The following GSTM3 variants were observed in gnomAD, a reference collection of about 807,000 sequenced individuals.
GSTM3 encodes GST class-mu 3.
GSTM3 carries 34 observed loss-of-function variants against 36.1 expected under a neutral mutation model. The observed-to-expected ratio is 0.94, with a 90% confidence interval of 0.72 to 1.25. The LOEUF (loss-of-function observed/expected upper bound fraction) is 1.25. GSTM3 is among the 50% of genes most tolerant of loss of function. The pLI is 0.00. For missense variants in GSTM3, 266 were observed against 281.6 expected (o/e 0.94, Z 0.40); for synonymous variants, 102 against 99.5 (o/e 1.03, Z -0.15).
intron 3 of GSTM3, 107 bp downstream of exon 3, chr1:109,739,726 C>T: frequency 1.2e-6 from 1 of 857,242 alleles, no homozygotes; most frequent in Non-Finnish European, 1.9e-6. Flanking sequence ...CAGATTGGGG[C>T]AAACGTCCCA....
At position 109,737,032 on chromosome 1, in the gene GSTM3, A is replaced by G. The variant is rs750994050; in HGVS notation, c.*39T>C. Reference sequence around the variant, plus strand: ...GCAAGAGCGCTGACCCCTTACGGACAGGATGAAACAAAACAAGCTCTGCAA... The same window carrying G: ...GCAAGAGCGCTGACCCCTTACGGACGGGATGAAACAAAACAAGCTCTGCAA... On this transcript the variant is annotated 3_prime_UTR_variant, in exon 9 of 9. Transcript: ENST00000361066. 7.9e-7 allele frequency: 1 copy of G among 1,264,646 alleles called. No individual in the cohort carries two copies. The highest frequency in any genetic ancestry group is 2.3e-5 in the East Asian group (1 of 43,148). 78.3% of individuals were successfully genotyped at this position (1,264,646 alleles called of 1,614,324 possible).
chr1:109,740,567 G>A (rs572722800), intron 1 of GSTM3, 56 bp from the exon 2 acceptor site: 1 of 502,340 alleles, frequency 2.0e-6, no homozygotes, highest in African/African-American at 2.0e-5. Flanking sequence ...GCGGGTGGGA[G>A]CCAGACTTCA....
At chr1:109,739,976 C>G (rs1347176423) in intron 2 of GSTM3, 68 bp from the exon 3 acceptor site, 1 of 1,295,456 alleles carries the variant, frequency 7.7e-7, no homozygotes, top group South Asian at 1.3e-5. Flanking sequence ...CGCTAACGTT[C>G]CCCGGCCCGG....
At position 109,740,335 on chromosome 1, in the gene GSTM3, A is replaced by AG. The variant is rs770404043; in HGVS notation, c.-49dup. On this transcript the variant is annotated 5_prime_UTR_variant, in exon 2 of 9. Transcript: ENST00000361066. Reference sequence around the variant, plus strand: ...GAGGACTAGGGAAACTGTGAGCGGGAGGGGCTTTATACCCGACATAAGGGG... The same window carrying AG: ...GAGGACTAGGGAAACTGTGAGCGGGAGGGGGCTTTATACCCGACATAAGGGG... The AG allele has an allele frequency of 5.7e-6, 9 of 1,575,288 alleles. No homozygotes were observed. The East Asian group carries it at 1.6e-4, about 28-fold the overall frequency.
rs747271780 is a variant in GSTM3, at chr1:109,735,633, G to GAGTTTTTTTTTTT, written c.*1437_*1438insAAAAAAAAAAACT. The GAGTTTTTTTTTTT allele has an allele frequency of 2.3e-4, 14 of 60,722 alleles. 4 individuals are homozygous for GAGTTTTTTTTTTT. Among genetic ancestry groups the GAGTTTTTTTTTTT allele is most frequent in the African/African-American group, 2.9e-4 (6 of 20,388 alleles). 3.8% of individuals were successfully genotyped at this position (60,722 alleles called of 1,614,324 possible). ...CATCTTAGTATATGTCTCTTTGAAT[G>GAGTTTTTTTTTTT]TTTTTTTTTTTTTTTTTTTTTTTTT... On this transcript the variant is annotated 3_prime_UTR_variant, in exon 9 of 9. Coordinates refer to ENST00000361066, the MANE Select transcript of GSTM3 (RefSeq NM_000849.5).
chr1:109,737,883 T>G (rs1570663310), intron 6 of GSTM3, 132 bp from the exon 7 acceptor site: 1 of 705,550 alleles, frequency 1.4e-6, no homozygotes, highest in Non-Finnish European at 2.5e-6. Flanking sequence ...GATGGCAGGG[T>G]GGGGAAAGAG....
At chr1:109,739,811 C>G (rs976779942) in intron 3 of GSTM3, 22 bp downstream of exon 3, 30 of 1,529,268 alleles carry the variant, frequency 2.0e-5, no homozygotes, top group Non-Finnish European at 2.5e-5. Flanking sequence ...CTTGGCTGCA[C>G]GGGCACGCGG....
intron 8 of GSTM3, 142 bp downstream of exon 8, chr1:109,737,315 T>C (rs1424625924): frequency 9.9e-6 from 8 of 808,162 alleles, no homozygotes; most frequent in Non-Finnish European, 1.7e-5. Context: ...GTTAGGCTCT[T>C]CCCAAGACTT....
At chr1:109,740,615 C>CT (rs1649356059) in intron 1 of GSTM3, 104 bp from the exon 2 acceptor site, 4 of 373,572 alleles carry the variant, frequency 1.1e-5, no homozygotes, top group Non-Finnish European at 2.0e-5. Flanking sequence ...AAAAGCACCA[C>CT]TAGCCAGGCA....
chr1:109,737,327 A>C, intron 8 of GSTM3, 130 bp downstream of exon 8: 2 of 818,460 alleles, frequency 2.4e-6, no homozygotes, highest in Non-Finnish European at 2.1e-6. Context: ...CCAAGACTTA[A>C]AGGTCTAGAG....
Position 109,738,299 on chromosome 1 carries a change from C to T in GSTM3, c.257G>A (p.Arg86His), listed in dbSNP as rs146952826. ...QSNAILRYIA[R>H]KHNMCGETEE... ...ACCCCACTCACACATGTTGTGCTTG[C>T]GAGCGATGTAGCGCAAGATGGCATT... The change falls in exon 5 of 9, where the codon CGC (arginine) becomes CAC (histidine). Residue 86 changes from arginine to histidine, a missense_variant. Physicochemically the swap from Arg to His is conservative, Grantham distance 29. Transcript: ENST00000361066. 285 of 1,613,704 alleles carry T rather than the reference C, an allele frequency of 1.8e-4. 2 individuals are homozygous for T. In the African/African-American group the frequency reaches 3.1e-3, roughly 17 times the overall value.
Position 109,736,948 on chromosome 1 carries a change from C to T in GSTM3, c.*123G>A. ...TCCTTTTTCCCTTTTAGCCTTTATA[C>T]CCAAGAGAAACTCAGCTGGACACCA... On this transcript the variant is annotated 3_prime_UTR_variant, in exon 9 of 9. Coordinates refer to ENST00000361066, the MANE Select transcript of GSTM3 (RefSeq NM_000849.5). The T allele has an allele frequency of 1.6e-6, 1 of 641,700 alleles. No individual in the cohort carries two copies. The highest frequency in any genetic ancestry group is 2.8e-6 in the Non-Finnish European group (1 of 354,340). 39.8% of individuals were successfully genotyped at this position (641,700 alleles called of 1,614,324 possible).
intron 2 of GSTM3, 60 bp from the exon 3 acceptor site, chr1:109,739,968 C>T: frequency 7.4e-7 from 1 of 1,345,994 alleles, no homozygotes; most frequent in Non-Finnish European, 1.0e-6. Flanking sequence ...CCCCCGCCCG[C>T]TAACGTTCCC....
intron 1 of GSTM3, among the ~76,000 whole-genome samples, 170 bp downstream of exon 1, chr1:109,740,783 C>T (rs1202208832): frequency 6.6e-6 from 1 of 152,200 alleles, no homozygotes; most frequent in East Asian, 1.9e-4. Context: ...AAGCTCCCCT[C>T]TCTGTCAGTC....
At position 109,735,901 on chromosome 1, in the gene GSTM3, A is replaced by G. The variant is rs1485972919; in HGVS notation, c.*1170T>C. On this transcript the variant is annotated 3_prime_UTR_variant, in exon 9 of 9. Coordinates refer to ENST00000361066, the MANE Select transcript of GSTM3 (RefSeq NM_000849.5). Reference sequence around the variant, plus strand: ...CGTGATCTGCCCACCTCAGCCTCCCAAAGTGCTGGGATTACAGGCGTGAGC... The same window carrying G: ...CGTGATCTGCCCACCTCAGCCTCCCGAAGTGCTGGGATTACAGGCGTGAGC... The G allele has an allele frequency of 2.0e-5, 3 of 152,158 alleles. No homozygotes were observed. The highest frequency in any genetic ancestry group is 4.4e-5 in the Non-Finnish European group (3 of 68,068). 9.4% of individuals were successfully genotyped at this position (152,158 alleles called of 1,614,324 possible). A position where few individuals can be genotyped will look rare whatever the true frequency, so the allele number is the denominator to read the frequency against.
chr1:109,737,300 T>C, intron 8 of GSTM3, 131 bp from the exon 9 acceptor site: 2 of 807,886 alleles, frequency 2.5e-6, no homozygotes, highest in Non-Finnish European at 4.3e-6. Flanking sequence ...CTCCAAGGTA[T>C]AGAAGTTAGG....
At chr1:109,739,078 G>A (rs767761647) in intron 4 of GSTM3, among the ~76,000 whole-genome samples, 4 of 152,160 alleles carry the variant, frequency 2.6e-5, no homozygotes, top group African/African-American at 4.8e-5. Context: ...CTGTGATTGC[G>A]CCACTGCACT....
At chr1:109,739,578 C>T in intron 3 of GSTM3, 85 bp from the exon 4 acceptor site, 4 of 1,009,082 alleles carry the variant, frequency 4.0e-6, no homozygotes, top group East Asian at 4.8e-5. Context: ...TGACTTGGTC[C>T]CAATACCTCA....
rs1220552801 is a variant in GSTM3 at position 109,740,305 on chromosome 1, C to T, written c.-18G>A. ...CACGACATGGTGACGGGCTTCCGAG[C>T]CTTCGAGGACTAGGGAAACTGTGAG... is the stretch of plus-strand genomic sequence containing the variant. On this transcript the variant is annotated 5_prime_UTR_variant, in exon 2 of 9. Transcript: ENST00000361066. 6.2e-7 allele frequency: 1 copy of T among 1,611,134 alleles called. No individual in the cohort carries two copies. Among genetic ancestry groups the T allele is most frequent in the African/African-American group, 1.3e-5 (1 of 74,816 alleles).
Sources: allele counts gnomAD v4.1 joint callset (sites outside exome capture counted in the v4.1 genomes callset), GRCh38; gene constraint gnomAD v4.1.1; transcripts MANE v1.5; gene names NCBI Gene and HGNC (gene_info 2026-07-23, HGNC 2026-07-21).